The following ATXN2 variants were observed in gnomAD, a reference collection of about 807,000 sequenced individuals.
The protein encoded by ATXN2 is ataxin-2.
Under a neutral mutation model 138.6 loss-of-function variants are expected in ATXN2, and 37 were observed. The observed-to-expected ratio is 0.27, with a 90% CI of 0.21 to 0.35. The LOEUF (loss-of-function observed/expected upper bound fraction) is 0.35, where lower values mean the gene tolerates loss of function less well. Among genes scored for constraint, ATXN2 ranks in the 10% least tolerant of loss-of-function variants. ATXN2 has a pLI of 1.00. For missense variants in ATXN2, 1,216 were observed against 1,480.3 expected, an observed-to-expected ratio of 0.82 and a Z score of 2.93; for synonymous variants, 549 against 543.7, an observed-to-expected ratio of 1.01 and a Z score of -0.13.
chr12:111,586,995 G>C lies in ATXN2; in HGVS notation c.251+11789C>G, dbSNP rs1241973849. 5.3e-5 allele frequency among the ~76,000 whole-genome samples: 8 copies of C among 149,556 alleles called. No homozygotes were observed. The East Asian group carries it at 1.6e-3, about 29-fold the overall frequency. ...AGGCCATAAAGAACTCTCCAGACCAGAGGCTAAAGCAGGAGGACAGTTTAA... is the reference window on the plus strand; with the variant it reads ...AGGCCATAAAGAACTCTCCAGACCACAGGCTAAAGCAGGAGGACAGTTTAA... On this transcript the variant is annotated intron_variant, in intron 1 of 24. Coordinates refer to ENST00000673436, the MANE Select transcript of ATXN2 (RefSeq NM_001372574.1).
chr12:111,596,190 TGA>T (rs1884928378), intron 1 of ATXN2, among the ~76,000 whole-genome samples: 1 of 128,050 alleles, frequency 7.8e-6, no homozygotes, highest in Non-Finnish European at 1.7e-5. Flanking sequence ...GGCGACAGAG[TGA>T]GATTCCATCC....
At chr12:111,452,895 C>A in intron 24 of ATXN2, 55 bp from the exon 25 acceptor site, 1 of 1,581,746 alleles carries the variant, frequency 6.3e-7, no homozygotes, top group Non-Finnish European at 8.6e-7. Flanking sequence ...CACACATCAG[C>A]CTAGTGTCTC....
chr12:111,455,117 G>A (rs537349735), intron 23 of ATXN2: 14 of 702,910 alleles, frequency 2.0e-5, no homozygotes, highest in Non-Finnish European at 3.4e-5. Flanking sequence ...CCTCACTGGC[G>A]CACTATTTAA....
intron 14 of ATXN2, among the ~76,000 whole-genome samples, chr12:111,503,789 C>T (rs927018642): frequency 6.6e-6 from 1 of 151,932 alleles, no homozygotes; most frequent in Non-Finnish European, 1.5e-5. Context: ...AGGGTTTCGC[C>T]ATGTTATCCA....
chr12:111,480,671 TAAAC>T (rs1270069009), intron 18 of ATXN2, among the ~76,000 whole-genome samples: 48 of 152,072 alleles, frequency 3.2e-4, no homozygotes, highest in African/African-American at 1.0e-3. Context: ...CAAAAATAAA[TAAAC>T]AAACAAACAA....
rs373436951 is a variant in ATXN2, at chr12:111,576,085, A to AATAACATAACATAACATAACATAAC, written c.252-20191_252-20167dup. Among the ~76,000 whole-genome samples, 117 of 123,454 alleles carry AATAACATAACATAACATAACATAAC rather than the reference A, an allele frequency of 9.5e-4. 1 individual carries two copies. In the East Asian group the frequency reaches 0.01, roughly 11 times the overall value. The allele number at this position is 123,454 out of a possible 152,430, so 81.0% of individuals were successfully genotyped here. A position where few individuals can be genotyped will look rare whatever the true frequency, so the allele number is the denominator to read the frequency against. ...CGACAAGAGACAAACTCTGTCTTAA[A>AATAACATAACATAACATAACATAAC]ATAACATAACATAACATAACATAAC... On this transcript the variant is annotated intron_variant, in intron 1 of 24. Coordinates refer to ENST00000673436, the MANE Select transcript of ATXN2 (RefSeq NM_001372574.1).
chr12:111,539,575 G>A (rs780762979), intron 5 of ATXN2, among the ~76,000 whole-genome samples: 2 of 149,548 alleles, frequency 1.3e-5, no homozygotes, highest in African/African-American at 2.4e-5. Context: ...GTGAAACCCC[G>A]TCTCTACTAA....
intron 1 of ATXN2, among the ~76,000 whole-genome samples, chr12:111,574,653 G>A (rs1402184634): frequency 2.6e-5 from 4 of 151,868 alleles, no homozygotes; most frequent in Admixed American, 2.0e-4. Context: ...GAATTCCTGA[G>A]CTCAAGCGAC....
intron 14 of ATXN2, among the ~76,000 whole-genome samples, chr12:111,490,851 G>A (rs1376900884): frequency 6.6e-6 from 1 of 152,106 alleles, no homozygotes; most frequent in African/African-American, 2.4e-5. Flanking sequence ...TTGAAACTCA[G>A]TGCTGCCCTG....
At chr12:111,590,819 TGCATATA>T (rs1461154227) in intron 1 of ATXN2, among the ~76,000 whole-genome samples, 2 of 152,138 alleles carry the variant, frequency 1.3e-5, no homozygotes, top group African/African-American at 4.8e-5. Flanking sequence ...TACTGGGAAC[TGCATATA>T]GCAAGAGATG....
chr12:111,485,407 T>C, intron 17 of ATXN2, 76 bp from the exon 18 acceptor site: 4 of 1,384,098 alleles, frequency 2.9e-6, no homozygotes, highest in Middle Eastern at 3.6e-4. Flanking sequence ...CTTAGTTTTA[T>C]ATTGCTAGAG....
intron 20 of ATXN2, chr12:111,468,733 C>G (rs1012758903): frequency 1.5e-5 from 2 of 129,250 alleles, no homozygotes; most frequent in Admixed American, 8.4e-5. Flanking sequence ...TGGAGTCTCA[C>G]TCTGTCGCTC....
intron 18 of ATXN2, among the ~76,000 whole-genome samples, chr12:111,476,427 T>C (rs1375738532): frequency 6.6e-6 from 1 of 151,500 alleles, no homozygotes; most frequent in African/African-American, 2.4e-5. Context: ...CAAAATCTCA[T>C]GCCTTTTTCA....
chr12:111,523,213 G>C (rs1302052686), intron 6 of ATXN2, among the ~76,000 whole-genome samples: 2 of 150,618 alleles, frequency 1.3e-5, no homozygotes, highest in Non-Finnish European at 2.9e-5. Context: ...CAGTGTGACA[G>C]AGCAAGACTC....
chr12:111,549,647 A>G (rs2135782496), intron 5 of ATXN2, among the ~76,000 whole-genome samples: 1 of 152,324 alleles, frequency 6.6e-6, no homozygotes, highest in African/African-American at 2.4e-5. Flanking sequence ...GAAGAGGGCA[A>G]TTTCTGCCTG....
chr12:111,502,522 C>T (rs1338483766), intron 14 of ATXN2, among the ~76,000 whole-genome samples: 1 of 152,070 alleles, frequency 6.6e-6, no homozygotes, highest in Non-Finnish European at 1.5e-5. Context: ...CACCGCCTCC[C>T]GGGTTCAAGC....
intron 1 of ATXN2, among the ~76,000 whole-genome samples, chr12:111,592,500 C>T (rs1293616239): frequency 6.6e-6 from 1 of 150,428 alleles, no homozygotes; most frequent in Non-Finnish European, 1.5e-5. Context: ...GATACGGCAG[C>T]GGCCAAGCAC....
chr12:111,523,907 G>GA (rs151135940), intron 6 of ATXN2, among the ~76,000 whole-genome samples: 58 of 138,452 alleles, frequency 4.2e-4, no homozygotes, highest in Middle Eastern at 3.7e-3. Flanking sequence ...TGCAGAAAAA[G>GA]AAAAAAAAAA....
In ATXN2 at chr12:111,520,070, G is replaced by C; in HGVS notation, c.795C>G (p.Pro265=). ...YDSSLSSYTV[P]LERDNSEEFL... ...ATTCTTCTGAGTTATCTCTTTCTAA[G>C]GGCACTCTGAAACATGAGGAAAAGA... Residue 265 remains proline, a synonymous_variant, in exon 8 of 25, where the codon CCC becomes CCG. Coordinates refer to ENST00000673436, the MANE Select transcript of ATXN2 (RefSeq NM_001372574.1). The C allele has an allele frequency of 6.2e-7, 1 of 1,613,506 alleles. No individual in the cohort carries two copies. The highest frequency in any genetic ancestry group is 8.5e-7 in the Non-Finnish European group (1 of 1,179,936).
Sources: gnomAD v4.1 joint callset for allele counts (sites outside exome capture counted in the v4.1 genomes callset) on GRCh38, gnomAD v4.1.1 for gene constraint, MANE v1.5 for transcripts, NCBI Gene and HGNC (gene_info 2026-07-23, HGNC 2026-07-21) for gene names.